The following NPM1 variants were observed in gnomAD, a reference collection of about 807,000 sequenced individuals.
NPM1 encodes the protein nucleophosmin.
NPM1 carries 1 observed loss-of-function variant against 44.1 expected under a neutral mutation model. The ratio of observed to expected loss-of-function variants is 0.02; its 90% CI spans 0.01 to 0.11. NPM1 has a LOEUF of 0.11. NPM1 is among the 10% of genes least tolerant of loss of function. The pLI is 1.00. For missense variants in NPM1, 197 were observed against 347.8 expected, an observed-to-expected ratio of 0.57 and a Z score of 3.45; for synonymous variants, 126 against 111.8, an observed-to-expected ratio of 1.13 and a Z score of -0.80.
At chr5:171,401,367 CTTG>C (rs958723617) in intron 8 of NPM1, among the ~76,000 whole-genome samples, 4 of 151,800 alleles carry the variant, frequency 2.6e-5, no homozygotes, top group Non-Finnish European at 5.9e-5. Flanking sequence ...AAAAAATCAG[CTTG>C]TTGTGTGTTG....
At chr5:171,390,659 C>T (rs1313343894) in intron 2 of NPM1, among the ~76,000 whole-genome samples, 1 of 152,040 alleles carries the variant, frequency 6.6e-6, no homozygotes, top group Non-Finnish European at 1.5e-5. Flanking sequence ...GCTGGGTCAA[C>T]AGATGGATCG....
intron 2 of NPM1, chr5:171,391,103 C>G (rs773845398): frequency 7.1e-6 from 4 of 560,720 alleles, no homozygotes; most frequent in Non-Finnish European, 9.4e-6. Flanking sequence ...GGTTTGTAGC[C>G]TAGGTGTGTG....
upstream of NPM1, chr5:171,387,257 T>C (rs543924486): frequency 1.3e-5 from 2 of 152,346 alleles, no homozygotes; most frequent in Non-Finnish European, 2.9e-5. Flanking sequence ...GGTAACTACA[T>C]CTTTCCTTCC....
chr5:171,393,171 G>A (rs1013372032), intron 6 of NPM1, among the ~76,000 whole-genome samples, 193 bp downstream of exon 6: 1 of 152,158 alleles, frequency 6.6e-6, no homozygotes, highest in Non-Finnish European at 1.5e-5. Flanking sequence ...AGGATATTGG[G>A]TCTGTGAGCC....
At chr5:171,407,535 A>G in intron 9 of NPM1, 165 bp from the exon 10 acceptor site, 2 of 630,212 alleles carry the variant, frequency 3.2e-6, no homozygotes. Flanking sequence ...GCTGCCCAAT[A>G]GGGCTTTCTG....
At chr5:171,397,644 CTT>C (rs1561869015) in intron 6 of NPM1, among the ~76,000 whole-genome samples, 1 of 151,876 alleles carries the variant, frequency 6.6e-6, no homozygotes, top group Non-Finnish European at 1.5e-5. Context: ...ATTCTTTTTT[CTT>C]TTTTCTTTTT....
At chr5:171,407,308 AAC>A (rs1771622036) in intron 9 of NPM1, among the ~76,000 whole-genome samples, 2 of 152,194 alleles carry the variant, frequency 1.3e-5, no homozygotes, top group South Asian at 4.1e-4. Flanking sequence ...GTTTTTAAAG[AAC>A]AGTTTGGGTC....
In NPM1 at chr5:171,388,947, G is replaced by A. The variant is rs547708041; in HGVS notation, c.58+941G>A. Among the ~76,000 whole-genome samples the A allele has an allele frequency of 5.9e-5, 9 of 152,314 alleles. No homozygotes were observed. The South Asian group carries it at 1.7e-3, about 28-fold the overall frequency. The stretch of plus-strand genomic sequence containing the variant: ...TAGCTGCTGCTTCGTGAATATTAAT[G>A]AGGCTTCGTTTTAGGGGGACGTCCT... On this transcript the variant is annotated intron_variant, in intron 1 of 10. Coordinates refer to ENST00000296930, the MANE Select transcript of NPM1 (RefSeq NM_002520.7).
At position 171,387,887 on chromosome 5, in the gene NPM1, TG is replaced by T. The variant is rs1322445981; in HGVS notation, c.-60del. 6.6e-7 allele frequency: 1 copy of T among 1,519,196 alleles called. No individual in the cohort carries two copies. The highest frequency in any genetic ancestry group is 1.7e-5 in the Admixed American group (1 of 59,542). 94.1% of individuals were successfully genotyped at this position (1,519,196 alleles called of 1,614,324 possible). On this transcript the variant is annotated 5_prime_UTR_variant, in exon 1 of 11. Coordinates refer to ENST00000296930, the MANE Select transcript of NPM1 (RefSeq NM_002520.7). Reference sequence around the variant, plus strand: ...GATTCCGTCCTGCGCGGTTGTTCTCTGGAGCAGCGTTCTTTTATCTCCGTCC... The same window carrying T: ...GATTCCGTCCTGCGCGGTTGTTCTCTGAGCAGCGTTCTTTTATCTCCGTCC...
intron 7 of NPM1, among the ~76,000 whole-genome samples, chr5:171,400,596 A>T (rs1416717357): frequency 6.6e-6 from 1 of 151,738 alleles, no homozygotes; most frequent in Non-Finnish European, 1.5e-5. Context: ...AGCTGGAATT[A>T]CAGACTCATG....
chr5:171,400,807 G>A lies in NPM1; in HGVS notation c.583-32G>A, dbSNP rs145814944. 9,524 of 1,399,286 alleles carry A rather than the reference G, an allele frequency of 6.8e-3. 46 individuals carry two copies. Among genetic ancestry groups the A allele is most frequent in the Non-Finnish European group, 8.6e-3 (8,478 of 985,770 alleles). 86.7% of individuals were successfully genotyped at this position (1,399,286 alleles called of 1,614,324 possible). A position where few individuals can be genotyped will look rare whatever the true frequency, so the allele number is the denominator to read the frequency against. On this transcript the variant is annotated intron_variant, in intron 7 of 10. Coordinates refer to ENST00000296930, the MANE Select transcript of NPM1 (RefSeq NM_002520.7). ...TTGTTTGCACTGTTGTTGGGGTCAG[G>A]GACAGTGATTAAGATAAATTTCTAA...
At chr5:171,391,129 TC>T (rs1490786602) in intron 2 of NPM1, 175 bp from the exon 3 acceptor site, 1 of 673,986 alleles carries the variant, frequency 1.5e-6, no homozygotes, top group Non-Finnish European at 2.5e-6. Context: ...GGCTATACCA[TC>T]TAGGTTTGTA....
At chr5:171,388,143 G>C in intron 1 of NPM1, 137 bp downstream of exon 1, 1 of 782,374 alleles carries the variant, frequency 1.3e-6, no homozygotes, top group Admixed American at 2.3e-5. Context: ...CGGGTGGGAA[G>C]AGCTGCCTGA....
At chr5:171,398,066 C>T (rs532380569) in intron 6 of NPM1, among the ~76,000 whole-genome samples, 11 of 152,102 alleles carry the variant, frequency 7.2e-5, no homozygotes, top group Middle Eastern at 3.4e-3. Context: ...GGATTACAGG[C>T]GTGAGCCACT....
intron 9 of NPM1, chr5:171,406,303 A>G (rs1771563364): frequency 9.1e-7 from 1 of 1,097,446 alleles, no homozygotes; most frequent in Admixed American, 1.7e-5. Context: ...GTTATCACTG[A>G]TTTTTGTCCC....
At chr5:171,398,917 T>G (rs1262616105) in intron 6 of NPM1, among the ~76,000 whole-genome samples, 2 of 152,194 alleles carry the variant, frequency 1.3e-5, no homozygotes, top group Admixed American at 1.3e-4. Flanking sequence ...TGTAGCACAG[T>G]GGCGTGATCT....
At chr5:171,390,879 C>T (rs1430739501) in intron 2 of NPM1, among the ~76,000 whole-genome samples, 1 of 152,040 alleles carries the variant, frequency 6.6e-6, no homozygotes, top group African/African-American at 2.4e-5. Flanking sequence ...TGTGCCACCA[C>T]ACCTGGCTAA....
At position 171,387,883 on chromosome 5, in the gene NPM1, T is replaced by G. The variant is rs976394624; in HGVS notation, c.-66T>G. The G allele has an allele frequency of 8.8e-6, 13 of 1,483,710 alleles. No homozygotes were observed. The highest frequency in any genetic ancestry group is 1.2e-5 in the Non-Finnish European group (13 of 1,064,230). The allele number at this position is 1,483,710 out of a possible 1,614,324, so 91.9% of individuals were successfully genotyped here. ...GTGTGATTCCGTCCTGCGCGGTTGT[T>G]CTCTGGAGCAGCGTTCTTTTATCTC... On this transcript the variant is annotated 5_prime_UTR_variant, in exon 1 of 11. Transcript: ENST00000296930.
chr5:171,392,650 C>A (rs896600789), intron 4 of NPM1, 60 bp from the exon 5 acceptor site: 2 of 918,316 alleles, frequency 2.2e-6, no homozygotes, highest in Non-Finnish European at 3.2e-6. Context: ...TATCAGTGTT[C>A]TTTTTTTTTC....
Sources: gnomAD v4.1 joint callset for allele counts (sites outside exome capture counted in the v4.1 genomes callset) on GRCh38, gnomAD v4.1.1 for gene constraint, MANE v1.5 for transcripts, NCBI Gene and HGNC (gene_info 2026-07-23, HGNC 2026-07-21) for gene names.